Variants in ATXN7 observed in about 807,000 individuals in gnomAD.
ATXN7 encodes the protein ataxin 7, also known as ataxin-7.
Under a neutral mutation model 70.5 loss-of-function variants are expected in ATXN7, and 12 were observed. That is an observed-to-expected ratio of 0.17 (90% CI 0.11 to 0.28). ATXN7 has a LOEUF of 0.28. Ranked by LOEUF, ATXN7 falls within the 10% of genes least tolerant of loss-of-function variation. The pLI is 1.00. For synonymous variants in ATXN7, 498 were observed against 448.7 expected (o/e 1.11, Z -1.39); for missense variants, 1,256 against 1,131.7 (o/e 1.11, Z -1.58).
intron 2 of ATXN7, chr3:63,905,514 T>C (rs751966416): frequency 6.6e-6 from 1 of 152,192 alleles, no homozygotes; most frequent in African/African-American, 2.4e-5. Flanking sequence ...CGGCCTTGGC[T>C]CTGTTTTTAA....
chr3:63,937,305 A>G (rs976023085), intron 4 of ATXN7, among the ~76,000 whole-genome samples: 2 of 152,222 alleles, frequency 1.3e-5, no homozygotes, highest in African/African-American at 2.4e-5. Flanking sequence ...ATTAGCGCAT[A>G]AAGTTCTTTT....
chr3:63,999,438 CTT>C lies in ATXN7; in HGVS notation c.2662-7_2662-6del. ...CCATTTCATTATTTCCCCACCCCCT[CTT>C]TTTTGAAAGCCAAAGGCACGTCCCT... On this transcript the variant is annotated splice_polypyrimidine_tract_variant and intron_variant, in intron 12 of 12. Coordinates refer to ENST00000674280, the MANE Select transcript of ATXN7 (RefSeq NM_001377405.1). 1 of 1,611,122 alleles carries C rather than the reference CTT, an allele frequency of 6.2e-7. No homozygotes were observed. Among genetic ancestry groups the C allele is most frequent in the South Asian group, 1.1e-5 (1 of 90,972 alleles).
intron 4 of ATXN7, among the ~76,000 whole-genome samples, chr3:63,941,794 C>T (rs1000383879): frequency 6.6e-6 from 1 of 152,056 alleles, no homozygotes; most frequent in African/African-American, 2.4e-5. Flanking sequence ...CAATATGAAT[C>T]TGGGAGTTGT....
At position 63,937,423 on chromosome 3, in the gene ATXN7, T is replaced by C. The variant is rs921626955; in HGVS notation, c.395-14956T>C. Among the ~76,000 whole-genome samples the C allele has an allele frequency of 2.0e-5, 3 of 152,314 alleles. No homozygotes were observed. The Middle Eastern group carries it at 0.01, about 518-fold the overall frequency. ...TGCCTCAAATGAACATATTTGGAAC[T>C]CAACCCCTACTCAAATCATTTTCAA... On this transcript the variant is annotated intron_variant, in intron 4 of 12. Transcript: ENST00000674280.
chr3:63,930,260 G>A (rs555224666), intron 4 of ATXN7, among the ~76,000 whole-genome samples: 59 of 152,252 alleles, frequency 3.9e-4, no homozygotes, highest in Middle Eastern at 3.4e-3. Context: ...AAATCCCCAG[G>A]AAATTTTAAG....
intron 4 of ATXN7, among the ~76,000 whole-genome samples, chr3:63,944,225 A>G (rs1207839648): frequency 6.6e-6 from 1 of 152,210 alleles, no homozygotes; most frequent in Non-Finnish European, 1.5e-5. Context: ...GGTAGTACTG[A>G]ATCCTATATA....
intron 11 of ATXN7, among the ~76,000 whole-genome samples, chr3:63,993,514 C>T (rs1020852335): frequency 1.3e-5 from 2 of 151,602 alleles, no homozygotes; most frequent in Non-Finnish European, 2.9e-5. Context: ...CCTCCTGTCT[C>T]CTACATGCTT....
chr3:63,988,597 G>A (rs2075616620), intron 9 of ATXN7: 2 of 387,826 alleles, frequency 5.2e-6, no homozygotes, highest in Non-Finnish European at 9.2e-6. Context: ...ACTCTGTTGA[G>A]CAGGCAGAAA....
intron 8 of ATXN7, among the ~76,000 whole-genome samples, chr3:63,984,463 C>T (rs376864042): frequency 6.6e-6 from 1 of 152,046 alleles, no homozygotes; most frequent in Non-Finnish European, 1.5e-5. Context: ...TTCAGCTGTC[C>T]CTAAGAGAAT....
intron 4 of ATXN7, among the ~76,000 whole-genome samples, chr3:63,930,881 T>G (rs1216982564): frequency 1.3e-5 from 2 of 152,090 alleles, no homozygotes; most frequent in Non-Finnish European, 2.9e-5. Context: ...CTTAAGAATT[T>G]TTGCACCAAG....
At chr3:63,984,251 G>A (rs755251451) in intron 8 of ATXN7, among the ~76,000 whole-genome samples, 1 of 150,310 alleles carries the variant, frequency 6.7e-6, no homozygotes, top group Admixed American at 6.6e-5. Context: ...GAATAAAATA[G>A]TGCATACACA....
Position 63,912,704 on chromosome 3 carries a change from CAGCA to C in ATXN7, c.107_110del (p.Gln36ArgfsTer53). On this transcript the variant is annotated frameshift_variant, in exon 3 of 13. Coordinates refer to ENST00000674280, the MANE Select transcript of ATXN7 (RefSeq NM_001377405.1). LOFTEE classifies it high-confidence loss of function. ...CGCCCGGCAGCAGCAGCAGCAGCAG[CAGCA>C]GCAGCAGCCGCCGCCTCCGCAGCCC... 2.5e-6 allele frequency: 3 copies of C among 1,191,814 alleles called. No individual in the cohort carries two copies. The highest frequency in any genetic ancestry group is 3.1e-6 in the Non-Finnish European group (3 of 953,098). 73.8% of individuals were successfully genotyped at this position (1,191,814 alleles called of 1,614,324 possible).
At chr3:63,940,459 A>T (rs2074739062) in intron 4 of ATXN7, among the ~76,000 whole-genome samples, 1 of 152,180 alleles carries the variant, frequency 6.6e-6, no homozygotes, top group African/African-American at 2.4e-5. Flanking sequence ...AGAGCCATGG[A>T]ATTTACACAA....
Position 63,951,263 on chromosome 3 carries a change from A to G in ATXN7, c.395-1116A>G, listed in dbSNP as rs138973010. ...GCCATGTGTAGATACTAGATCAGTA[A>G]TTTGATATTTTAGAGATTATCCTCA... On this transcript the variant is annotated intron_variant, in intron 4 of 12. Coordinates refer to ENST00000674280, the MANE Select transcript of ATXN7 (RefSeq NM_001377405.1). Among the ~76,000 whole-genome samples the G allele has an allele frequency of 8.6e-5, 13 of 151,882 alleles. No individual in the cohort carries two copies. The East Asian group carries it at 2.5e-3, about 29-fold the overall frequency.
At chr3:63,987,954 T>G in intron 8 of ATXN7, 105 bp from the exon 9 acceptor site, 1 of 1,382,838 alleles carries the variant, frequency 7.2e-7, no homozygotes, top group African/African-American at 1.5e-5. Context: ...TTCACTATGC[T>G]TATGGTCTAG....
intron 1 of ATXN7, among the ~76,000 whole-genome samples, chr3:63,889,491 T>C (rs1703191051): frequency 6.6e-6 from 1 of 152,216 alleles, no homozygotes; most frequent in Non-Finnish European, 1.5e-5. Flanking sequence ...TTTGAATGTC[T>C]TAAGTAGGAA....
intron 5 of ATXN7, among the ~76,000 whole-genome samples, chr3:63,964,891 C>T (rs1471884712): frequency 6.6e-6 from 1 of 152,124 alleles, no homozygotes; most frequent in African/African-American, 2.4e-5. Flanking sequence ...CTGTAAGTGC[C>T]AATTAAGGCC....
rs750825743 is a variant in ATXN7, at chr3:63,995,985, TTCC to T, written c.2175_2177del (p.Ser728del). 1.6e-5 allele frequency: 26 copies of T among 1,613,838 alleles called. No homozygotes were observed. Among genetic ancestry groups the T allele is most frequent in the African/African-American group, 1.1e-4 (8 of 74,918 alleles). Reference sequence around the variant, plus strand: ...TGTTGGTTCACTCTTCCTCCTCCTCTTCCTCCTCCTCCTCTTCTTCTCATTCCA... The same window carrying T: ...TGTTGGTTCACTCTTCCTCCTCCTCTTCCTCCTCCTCTTCTTCTCATTCCA... On this transcript the variant is annotated inframe_deletion, in exon 12 of 13. Coordinates refer to ENST00000674280, the MANE Select transcript of ATXN7 (RefSeq NM_001377405.1).
At chr3:63,915,139 G>A (rs1391139348) in intron 4 of ATXN7, among the ~76,000 whole-genome samples, 2 of 152,140 alleles carry the variant, frequency 1.3e-5, no homozygotes, top group African/African-American at 4.8e-5. Context: ...GTTTCACCAC[G>A]TTGGCCACGA....
Sources: allele counts gnomAD v4.1 joint callset (sites outside exome capture counted in the v4.1 genomes callset), GRCh38; gene constraint gnomAD v4.1.1; transcripts MANE v1.5; gene names NCBI Gene and HGNC (gene_info 2026-07-23, HGNC 2026-07-21).